Variants in TGS1 observed in about 807,000 individuals in gnomAD.
TGS1 encodes the protein trimethylguanosine synthase 1.
A neutral mutation model predicts 92.2 loss-of-function variants in TGS1; 69 were observed. The observed-to-expected ratio is 0.75, with a 90% CI of 0.62 to 0.91. The LOEUF (loss-of-function observed/expected upper bound fraction) is 0.91, where lower values mean the gene tolerates loss of function less well. TGS1 is among the 40% of genes least tolerant of loss of function. The pLI, the probability that TGS1 is intolerant of heterozygous loss-of-function variation, is 0.00. For synonymous variants in TGS1, 345 were observed against 338.1 expected (o/e 1.02, Z -0.22); for missense variants, 1,062 against 1,001.2 (o/e 1.06, Z -0.82).
In TGS1 at chr8:55,804,946, G is replaced by GT; in HGVS notation, c.2055dup (p.Ser686Ter). ...GATTGCTGAACACATTGCTGGCCGTGTTAGTCAGTCCTTCAAGTGTGACGT... is the reference window on the plus strand; with the variant it reads ...GATTGCTGAACACATTGCTGGCCGTGTTTAGTCAGTCCTTCAAGTGTGACGT... On this transcript the variant is annotated frameshift_variant, in exon 10 of 13. Transcript: ENST00000260129. LOFTEE classifies it high-confidence loss of function. 6.2e-7 allele frequency: 1 copy of GT among 1,614,046 alleles called. No individual in the cohort carries two copies. The highest frequency in any genetic ancestry group is 1.1e-5 in the South Asian group (1 of 91,074).
chr8:55,818,562 T>C (rs1038504984), intron 12 of TGS1, among the ~76,000 whole-genome samples: 1 of 152,238 alleles, frequency 6.6e-6, no homozygotes, highest in African/African-American at 2.4e-5. Flanking sequence ...GCTTTTCCCT[T>C]GGGAAGTTTG....
intron 6 of TGS1, among the ~76,000 whole-genome samples, chr8:55,793,309 T>C (rs901097731): frequency 2.6e-5 from 4 of 152,154 alleles, no homozygotes; most frequent in Non-Finnish European, 4.4e-5. Flanking sequence ...CTGGGCAATA[T>C]AGGGAGACCC....
At chr8:55,810,652 G>T (rs1232407529) in intron 10 of TGS1, among the ~76,000 whole-genome samples, 3 of 152,172 alleles carry the variant, frequency 2.0e-5, no homozygotes, top group Non-Finnish European at 4.4e-5. Context: ...AATGAGACAA[G>T]AAAGCCAAGT....
rs1803748403 is a variant in TGS1 at position 55,824,831 on chromosome 8, C to G, written c.*128C>G. Reference sequence around the variant, plus strand: ...CTTATATCACCGTATGAAATGGAAACTTACAGGACTTAAATATCAGTGAAA... The same window carrying G: ...CTTATATCACCGTATGAAATGGAAAGTTACAGGACTTAAATATCAGTGAAA... On this transcript the variant is annotated 3_prime_UTR_variant, in exon 13 of 13. Transcript: ENST00000260129. The G allele has an allele frequency of 9.9e-7, 1 of 1,008,330 alleles. No homozygotes were observed. The highest frequency in any genetic ancestry group is 2.6e-5 in the East Asian group (1 of 37,744). The allele number at this position is 1,008,330 out of a possible 1,614,324, so 62.5% of individuals were successfully genotyped here.
At position 55,780,491 on chromosome 8, in the gene TGS1, A is replaced by G. The variant is rs1397334364; in HGVS notation, c.102-2257A>G. ...TGGCCTCAGGAGGCACTTTTTGTAG[A>G]CAGTATACCATCATGGGTGATGTTG... On this transcript the variant is annotated intron_variant, in intron 1 of 12. Coordinates refer to ENST00000260129, the MANE Select transcript of TGS1 (RefSeq NM_024831.8). Among the ~76,000 whole-genome samples, 3 of 152,162 alleles carry G rather than the reference A, an allele frequency of 2.0e-5. No homozygotes were observed. The East Asian group carries it at 5.8e-4, about 29-fold the overall frequency.
chr8:55,806,338 C>T (rs1416891413), intron 10 of TGS1, among the ~76,000 whole-genome samples: 3 of 111,080 alleles, frequency 2.7e-5, no homozygotes, highest in African/African-American at 1.1e-4. Flanking sequence ...GCCTGGGCAA[C>T]AGAGCGAGAC....
chr8:55,806,380 CAAAAG>C (rs1812373804), intron 10 of TGS1, among the ~76,000 whole-genome samples: 3 of 119,576 alleles, frequency 2.5e-5, no homozygotes, highest in South Asian at 2.7e-4. Flanking sequence ...AAAAAAAAGA[CAAAAG>C]AAAAAAAAAA....
chr8:55,805,606 C>T (rs1032546376), intron 10 of TGS1, among the ~76,000 whole-genome samples: 1 of 152,096 alleles, frequency 6.6e-6, no homozygotes, highest in Non-Finnish European at 1.5e-5. Flanking sequence ...TAAAAATTGG[C>T]CAGGCGTAGT....
In TGS1 at chr8:55,791,861, G is replaced by A. The variant is rs115107613; in HGVS notation, c.1281-837G>A. Among the ~76,000 whole-genome samples the A allele has an allele frequency of 4.4e-3, 677 of 152,340 alleles. 3 individuals carry two copies. Among genetic ancestry groups the A allele is most frequent in the African/African-American group, 0.016 (651 of 41,586 alleles). On this transcript the variant is annotated intron_variant, in intron 5 of 12. Coordinates refer to ENST00000260129, the MANE Select transcript of TGS1 (RefSeq NM_024831.8). ...CGTAGAGAATAATGTAAGGTGGGATGTAGTCAGATGCTAACACTGTAAGTA... is the reference window on the plus strand; with the variant it reads ...CGTAGAGAATAATGTAAGGTGGGATATAGTCAGATGCTAACACTGTAAGTA...
Position 55,804,235 on chromosome 8 carries a change from G to A in TGS1, c.2000-658G>A, listed in dbSNP as rs560102216. Among the ~76,000 whole-genome samples the A allele has an allele frequency of 2.5e-3, 378 of 152,242 alleles. 1 individual carries two copies. The highest frequency in any genetic ancestry group is 3.5e-3 in the Non-Finnish European group (237 of 68,028). On this transcript the variant is annotated intron_variant, in intron 9 of 12. Transcript: ENST00000260129. ...GCAGGCAAATCACTTGAGGCCAGGA[G>A]TTCAAGACCAGCCTGGCTAACATGG...
chr8:55,778,728 T>C (rs1811471535), intron 1 of TGS1, among the ~76,000 whole-genome samples: 1 of 152,250 alleles, frequency 6.6e-6, no homozygotes, highest in South Asian at 2.1e-4. Flanking sequence ...GATCCCCTTT[T>C]AACCTTTCAG....
chr8:55,808,337 T>TA lies in TGS1; in HGVS notation c.2144-2538dup, dbSNP rs374839079. 1.6e-3 allele frequency among the ~76,000 whole-genome samples: 247 copies of TA among 152,278 alleles called. 1 individual carries two copies. The highest frequency in any genetic ancestry group is 5.7e-3 in the African/African-American group (238 of 41,564). ...TGGGCTAAAATCAATATTTATTGCC[T>TA]AAAAAATGATTTTTCCTTAAAAGTT... On this transcript the variant is annotated intron_variant, in intron 10 of 12. Coordinates refer to ENST00000260129, the MANE Select transcript of TGS1 (RefSeq NM_024831.8).
rs1433836094 is a variant in TGS1, at chr8:55,826,198, G to T, written c.*1495G>T. ...TAGGGAGATGGCAGGTGAAGTAAAG[G>T]CAGATTTCCAAAATCACTAATTTTT... On this transcript the variant is annotated 3_prime_UTR_variant, in exon 13 of 13. Transcript: ENST00000260129. 2.6e-5 allele frequency among the ~76,000 whole-genome samples: 4 copies of T among 152,112 alleles called. No individual in the cohort carries two copies. Among genetic ancestry groups the T allele is most frequent in the African/African-American group, 9.6e-5 (4 of 41,486 alleles).
intron 12 of TGS1, among the ~76,000 whole-genome samples, chr8:55,814,341 C>T (rs1803415287): frequency 1.3e-5 from 2 of 151,996 alleles, no homozygotes; most frequent in Non-Finnish European, 2.9e-5. Context: ...TTTTAAACTG[C>T]CCAAAGTGGT....
Position 55,808,356 on chromosome 8 carries a change from A to C in TGS1, c.2144-2525A>C, listed in dbSNP as rs16922267. ...ATTGCCTAAAAAATGATTTTTCCTT[A>C]AAAGTTGTAAAATGTATCTTCATTT... On this transcript the variant is annotated intron_variant, in intron 10 of 12. Coordinates refer to ENST00000260129, the MANE Select transcript of TGS1 (RefSeq NM_024831.8). Among the ~76,000 whole-genome samples the C allele has an allele frequency of 9.4e-3, 1,426 of 152,294 alleles. 108 individuals are homozygous for C. In the South Asian group the frequency reaches 0.15, roughly 16 times the overall value.
At chr8:55,785,275 C>CA (rs1379479160) in intron 2 of TGS1, among the ~76,000 whole-genome samples, 1 of 152,078 alleles carries the variant, frequency 6.6e-6, no homozygotes, top group African/African-American at 2.4e-5. Flanking sequence ...AGGCTGGTCT[C>CA]AAACTCCTGA....
rs117459339 is a variant in TGS1, at chr8:55,773,464, C to T, written c.-155C>T. ...CGGAGCCACTTCCGGCGGCAGCGTC[C>T]GGGCTAGTTCCCGGCGCGAGCGGCC... On this transcript the variant is annotated 5_prime_UTR_variant, in exon 1 of 13. Coordinates refer to ENST00000260129, the MANE Select transcript of TGS1 (RefSeq NM_024831.8). 1,850 of 532,948 alleles carry T rather than the reference C, an allele frequency of 3.5e-3. 12 individuals are homozygous for T. The highest frequency in any genetic ancestry group is 5.4e-3 in the Non-Finnish European group (1,672 of 310,946). The allele number at this position is 532,948 out of a possible 1,614,324, so 33.0% of individuals were successfully genotyped here. A position where few individuals can be genotyped will look rare whatever the true frequency, so the allele number is the denominator to read the frequency against.
intron 1 of TGS1, among the ~76,000 whole-genome samples, chr8:55,781,270 C>T (rs1160219616): frequency 6.6e-6 from 1 of 151,862 alleles, no homozygotes; most frequent in Non-Finnish European, 1.5e-5. Context: ...TAATGTTGGC[C>T]CAACACCTGA....
At position 55,802,749 on chromosome 8, in the gene TGS1, A is replaced by G. The variant is rs1274632630; in HGVS notation, c.1999+143A>G. The G allele has an allele frequency of 4.1e-6, 3 of 723,202 alleles. No individual in the cohort carries two copies. In the East Asian group the frequency reaches 8.4e-5, roughly 20 times the overall value. The allele number at this position is 723,202 out of a possible 1,614,324, so 44.8% of individuals were successfully genotyped here. A position where few individuals can be genotyped will look rare whatever the true frequency, so the allele number is the denominator to read the frequency against. ...AACATTTTGCCCCGTTTACGTTCTCATTCTCTCTCCATATGTATGTGTGTG... is the reference window on the plus strand; with the variant it reads ...AACATTTTGCCCCGTTTACGTTCTCGTTCTCTCTCCATATGTATGTGTGTG... On this transcript the variant is annotated intron_variant, in intron 9 of 12. Transcript: ENST00000260129.
Sources: gnomAD v4.1 joint callset for allele counts (sites outside exome capture counted in the v4.1 genomes callset) on GRCh38, gnomAD v4.1.1 for gene constraint, MANE v1.5 for transcripts, NCBI Gene and HGNC (gene_info 2026-07-23, HGNC 2026-07-21) for gene names.